Variants in CPS1 observed in about 807,000 individuals in gnomAD.
The protein encoded by CPS1 is carbamoyl-phosphate synthase [ammonia], mitochondrial.
Under a neutral mutation model 174.6 loss-of-function variants are expected in CPS1, and 109 were observed. The ratio of observed to expected loss-of-function variants is 0.62; its 90% CI spans 0.53 to 0.73. The LOEUF (loss-of-function observed/expected upper bound fraction) is 0.73, where lower values mean the gene tolerates loss of function less well. CPS1 is among the 30% of genes least tolerant of loss of function. The pLI is 0.00. For synonymous variants in CPS1, 637 were observed against 632.0 expected (o/e 1.01, Z -0.12); for missense variants, 1,689 against 1,821.9 (o/e 0.93, Z 1.33).
chr2:210,678,320 T>C lies in CPS1; in HGVS notation c.*335T>C, dbSNP rs1431752459. The C allele has an allele frequency of 5.3e-6, 2 of 377,496 alleles. No individual in the cohort carries two copies. The highest frequency in any genetic ancestry group is 1.0e-5 in the Non-Finnish European group (2 of 199,926). The allele number at this position is 377,496 out of a possible 1,614,324, so 23.4% of individuals were successfully genotyped here. ...AAGGTAGGAAAAGTTGCTGTTCTAT[T>C]TTCTGAACTCTTTCTATACTTTAAG... On this transcript the variant is annotated 3_prime_UTR_variant, in exon 38 of 38. Transcript: ENST00000233072.
intron 11 of CPS1, chr2:210,593,362 A>G (rs1277914743): frequency 1.2e-5 from 13 of 1,101,524 alleles, no homozygotes; most frequent in African/African-American, 3.3e-5. Flanking sequence ...TGTAGCCACT[A>G]AGGGAGAATA....
At chr2:210,483,782 A>C (rs1239089584) in intron 1 of CPS1, among the ~76,000 whole-genome samples, 1 of 152,244 alleles carries the variant, frequency 6.6e-6, no homozygotes, top group Non-Finnish European at 1.5e-5. Context: ...ATCTGTCTGC[A>C]AAAATCACAT....
intron 4 of CPS1, 33 bp from the exon 5 acceptor site, chr2:210,579,681 A>G: frequency 6.4e-7 from 1 of 1,564,262 alleles, no homozygotes; most frequent in Non-Finnish European, 8.8e-7. Context: ...AATCTCCTCC[A>G]ATTTCACTGT....
intron 1 of CPS1, among the ~76,000 whole-genome samples, chr2:210,491,290 A>G (rs1248262500): frequency 2.2e-5 from 3 of 137,744 alleles, no homozygotes; most frequent in African/African-American, 8.9e-5. Context: ...TTGTAAAAGC[A>G]TGTATTTGGT....
intron 20 of CPS1, 96 bp downstream of exon 20, chr2:210,612,389 A>G: frequency 6.8e-7 from 1 of 1,474,006 alleles, no homozygotes; most frequent in Non-Finnish European, 9.4e-7. Flanking sequence ...AGTGGTTTTA[A>G]ATCAGGGATT....
At chr2:210,647,764 G>A (rs1700424517) in intron 25 of CPS1, 99 bp from the exon 26 acceptor site, 1 of 1,404,166 alleles carries the variant, frequency 7.1e-7, no homozygotes, top group Non-Finnish European at 1.0e-6. Flanking sequence ...TCACAGTCAG[G>A]TTAAGAATTA....
intron 1 of CPS1, among the ~76,000 whole-genome samples, chr2:210,569,409 T>C (rs1163310183): frequency 1.3e-5 from 2 of 152,048 alleles, no homozygotes; most frequent in Non-Finnish European, 2.9e-5. Flanking sequence ...TTTATTGAAA[T>C]TTTAATTTTT....
chr2:210,574,284 C>T (rs867775648), intron 2 of CPS1, among the ~76,000 whole-genome samples: 1 of 151,962 alleles, frequency 6.6e-6, no homozygotes, highest in Non-Finnish European at 1.5e-5. Flanking sequence ...GTTTCCAATA[C>T]AGATTCAATC....
intron 36 of CPS1, among the ~76,000 whole-genome samples, chr2:210,676,631 C>G (rs1701545724): frequency 6.6e-6 from 1 of 152,104 alleles, no homozygotes; most frequent in Non-Finnish European, 1.5e-5. Context: ...ATAATTAGCA[C>G]TACTAAGGAG....
At chr2:210,658,252 G>A in intron 30 of CPS1, 2 of 335,864 alleles carry the variant, frequency 6.0e-6, no homozygotes, top group South Asian at 2.5e-5. Flanking sequence ...TTGATATAGA[G>A]GTTGGACTGC....
intron 1 of CPS1, among the ~76,000 whole-genome samples, chr2:210,496,254 A>G (rs759472612): frequency 6.6e-6 from 1 of 152,028 alleles, no homozygotes; most frequent in Non-Finnish European, 1.5e-5. Flanking sequence ...AAGGAATGAA[A>G]CCAAAACTGT....
chr2:210,591,105 TG>T (rs1698282012), intron 9 of CPS1, among the ~76,000 whole-genome samples, 199 bp downstream of exon 9: 1 of 151,758 alleles, frequency 6.6e-6, no homozygotes, highest in Non-Finnish European at 1.5e-5. Context: ...ATACCTTACG[TG>T]GTTGACAGTT....
chr2:210,525,349 G>C (rs1695944189), intron 1 of CPS1, among the ~76,000 whole-genome samples: 1 of 151,900 alleles, frequency 6.6e-6, no homozygotes, highest in African/African-American at 2.4e-5. Flanking sequence ...TTTAAGAACA[G>C]GGCAAACTAT....
intron 1 of CPS1, among the ~76,000 whole-genome samples, chr2:210,567,952 C>A (rs1297934828): frequency 1.3e-5 from 2 of 152,154 alleles, no homozygotes; most frequent in African/African-American, 4.8e-5. Flanking sequence ...ATGCTAATAT[C>A]ACATAATGAA....
chr2:210,539,925 G>C (rs1316389861), intron 1 of CPS1, among the ~76,000 whole-genome samples: 1 of 152,156 alleles, frequency 6.6e-6, no homozygotes, highest in Non-Finnish European at 1.5e-5. Context: ...CTCAGGAATA[G>C]GTATCTGCTG....
In CPS1 at chr2:210,631,619, A is replaced by G. The variant is rs563087954; in HGVS notation, c.2688-6083A>G. Among the ~76,000 whole-genome samples the G allele has an allele frequency of 7.2e-5, 11 of 152,226 alleles. 1 individual carries two copies. Among genetic ancestry groups the G allele is most frequent in the South Asian group, 2.1e-4 (1 of 4,832 alleles). ...AGTCATTTTGTGCTGCTAAGTAGAA[A>G]GAAACTGAAGATTATGAAAAGGCCA... On this transcript the variant is annotated intron_variant, in intron 21 of 37. Transcript: ENST00000233072.
intron 1 of CPS1, among the ~76,000 whole-genome samples, chr2:210,502,456 C>G (rs1457974706): frequency 9.8e-6 from 1 of 101,696 alleles, no homozygotes; most frequent in African/African-American, 2.8e-5. Context: ...CTATGAGATA[C>G]ATATAGATAT....
At chr2:210,551,510 C>T (rs1382568826) in intron 1 of CPS1, among the ~76,000 whole-genome samples, 1 of 151,866 alleles carries the variant, frequency 6.6e-6, no homozygotes, top group Non-Finnish European at 1.5e-5. Flanking sequence ...AATACATGCT[C>T]CTTGTACTGA....
chr2:210,663,044 T>G (rs750198170), intron 32 of CPS1, 79 bp from the exon 33 acceptor site: 57 of 1,339,932 alleles, frequency 4.3e-5, no homozygotes, highest in Admixed American at 1.4e-4. Flanking sequence ...GATGATTTGC[T>G]AATATATTTA....
Sources: allele counts gnomAD v4.1 joint callset (sites outside exome capture counted in the v4.1 genomes callset), GRCh38; gene constraint gnomAD v4.1.1; transcripts MANE v1.5; gene names NCBI Gene and HGNC (gene_info 2026-07-23, HGNC 2026-07-21).